Variants in LRRC4C observed in about 807,000 individuals in gnomAD.
LRRC4C encodes leucine-rich repeat-containing protein 4C.
LRRC4C carries 5 observed loss-of-function variants against 33.6 expected under a neutral mutation model. The observed-to-expected ratio is 0.15, with a 90% CI of 0.08 to 0.31. The LOEUF (loss-of-function observed/expected upper bound fraction) is 0.31, where lower values mean the gene tolerates loss of function less well. LRRC4C is among the 10% of genes least tolerant of loss of function. The probability of loss-of-function intolerance (pLI) is 1.00; values close to 1 mark genes in which losing one functional copy is unlikely to be tolerated. For synonymous variants in LRRC4C, 329 were observed against 302.0 expected, an observed-to-expected ratio of 1.09 and a Z score of -0.93; for missense variants, 560 against 796.7, an observed-to-expected ratio of 0.70 and a Z score of 3.58.
At chr11:41,285,683 A>T (rs1949804013) in intron 1 of LRRC4C, among the ~76,000 whole-genome samples, 1 of 152,260 alleles carries the variant, frequency 6.6e-6, no homozygotes, top group East Asian at 1.9e-4. Context: ...AGATTTTTCC[A>T]TGCTATTAAT....
intron 3 of LRRC4C, among the ~76,000 whole-genome samples, chr11:40,331,236 T>C (rs1189237284): frequency 2.0e-5 from 3 of 152,142 alleles, no homozygotes; most frequent in Non-Finnish European, 2.9e-5. Flanking sequence ...CTCCAAAAGC[T>C]AAAAATAGAA....
chr11:40,126,920 A>T (rs1177625978), intron 6 of LRRC4C, among the ~76,000 whole-genome samples: 1 of 151,292 alleles, frequency 6.6e-6, no homozygotes, highest in Non-Finnish European at 1.5e-5. Flanking sequence ...AGATGGCACC[A>T]TTGCACTCCA....
intron 4 of LRRC4C, among the ~76,000 whole-genome samples, chr11:40,246,207 C>G (rs1316609860): frequency 6.6e-6 from 1 of 152,068 alleles, no homozygotes; most frequent in Non-Finnish European, 1.5e-5. Context: ...CTCCTGAAAT[C>G]AGGTGATACA....
chr11:40,927,217 T>C (rs891543596), intron 2 of LRRC4C, among the ~76,000 whole-genome samples: 5 of 151,696 alleles, frequency 3.3e-5, no homozygotes, highest in Non-Finnish European at 7.4e-5. Flanking sequence ...CTACTAAACA[T>C]ACAAAAATTA....
At chr11:40,761,475 CT>C (rs1160738890) in intron 2 of LRRC4C, among the ~76,000 whole-genome samples, 3 of 152,038 alleles carry the variant, frequency 2.0e-5, no homozygotes, top group Non-Finnish European at 2.9e-5. Flanking sequence ...CTCAGCTTTT[CT>C]GTTGTTAAAG....
At chr11:40,544,382 C>A (rs1025145858) in intron 3 of LRRC4C, among the ~76,000 whole-genome samples, 1 of 152,040 alleles carries the variant, frequency 6.6e-6, no homozygotes, top group African/African-American at 2.4e-5. Flanking sequence ...CATTCTGGCC[C>A]ACTGTTCTTT....
intron 1 of LRRC4C, among the ~76,000 whole-genome samples, chr11:41,169,184 AC>A (rs1944860919): frequency 6.6e-6 from 1 of 152,226 alleles, no homozygotes. Flanking sequence ...AGAGAATAAA[AC>A]ATTTTTCAAA....
chr11:41,103,667 A>T (rs1941332359), intron 1 of LRRC4C, among the ~76,000 whole-genome samples: 1 of 151,922 alleles, frequency 6.6e-6, no homozygotes, highest in Non-Finnish European at 1.5e-5. Flanking sequence ...AACAGCAAAA[A>T]ATGCCAGCAT....
intron 2 of LRRC4C, among the ~76,000 whole-genome samples, chr11:40,812,202 A>G (rs1296453566): frequency 1.3e-5 from 2 of 152,146 alleles, no homozygotes; most frequent in African/African-American, 4.8e-5. Flanking sequence ...ATTAATCCTA[A>G]TTTGTAGGAA....
intron 2 of LRRC4C, among the ~76,000 whole-genome samples, chr11:40,683,810 C>T (rs61145262): frequency 0.077 from 11,711 of 152,232 alleles, 482 homozygotes; most frequent in East Asian, 0.13. Context: ...CCCACCAGTA[C>T]AGAGGGCCAA....
chr11:40,433,853 A>C (rs1421344199), intron 3 of LRRC4C, among the ~76,000 whole-genome samples: 2 of 152,190 alleles, frequency 1.3e-5, no homozygotes, highest in East Asian at 3.9e-4. Flanking sequence ...AGAAGAAAGC[A>C]TTTAAAGTAG....
At chr11:40,760,392 T>C (rs1300842537) in intron 2 of LRRC4C, among the ~76,000 whole-genome samples, 1 of 145,922 alleles carries the variant, frequency 6.9e-6, no homozygotes, top group East Asian at 2.0e-4. Context: ...GTTGAAAATA[T>C]TTACTATTTG....
chr11:41,305,244 C>T (rs1399041638), intron 1 of LRRC4C, among the ~76,000 whole-genome samples: 2 of 53,206 alleles, frequency 3.8e-5, no homozygotes, highest in African/African-American at 9.6e-5. Context: ...GTCAGCCCCC[C>T]GCCCGGCCAG....
intron 1 of LRRC4C, among the ~76,000 whole-genome samples, chr11:41,251,149 A>G (rs1052431340): frequency 6.6e-6 from 1 of 152,178 alleles, no homozygotes; most frequent in African/African-American, 2.4e-5. Context: ...CATTTTGCTT[A>G]CTCTTTGAAC....
chr11:40,267,846 A>G (rs1942395482), intron 4 of LRRC4C, among the ~76,000 whole-genome samples: 1 of 152,218 alleles, frequency 6.6e-6, no homozygotes, highest in Non-Finnish European at 1.5e-5. Flanking sequence ...AAATAATGTT[A>G]GGCTTGTATC....
chr11:40,540,003 A>G (rs1956638234), intron 3 of LRRC4C, among the ~76,000 whole-genome samples: 3 of 152,212 alleles, frequency 2.0e-5, no homozygotes, highest in Non-Finnish European at 4.4e-5. Flanking sequence ...GGAATAAATC[A>G]GATATCCCAA....
intron 4 of LRRC4C, among the ~76,000 whole-genome samples, chr11:40,253,450 T>C (rs529534910): frequency 6.6e-6 from 1 of 152,300 alleles, no homozygotes; most frequent in Non-Finnish European, 1.5e-5. Flanking sequence ...TACTTTTTAG[T>C]TGAGAGACCT....
At chr11:41,074,351 C>G (rs1314957140) in intron 1 of LRRC4C, among the ~76,000 whole-genome samples, 3 of 152,142 alleles carry the variant, frequency 2.0e-5, no homozygotes, top group Admixed American at 1.3e-4. Flanking sequence ...ATATTCCTTA[C>G]TCTATAATGA....
rs1031320115 is a variant in LRRC4C, at chr11:41,202,165, C to A, written c.-496+257266G>T. ...ATTTTCTCTCTGATAAACTAGACAG[C>A]ACTAGTAGGCTGATGGAAAGCCCCC... is the stretch of plus-strand genomic sequence containing the variant. On this transcript the variant is annotated intron_variant, in intron 1 of 6. Coordinates refer to ENST00000528697, the MANE Select transcript of LRRC4C (RefSeq NM_001258419.2). Among the ~76,000 whole-genome samples, 15 of 152,138 alleles carry A rather than the reference C, an allele frequency of 9.9e-5. 1 individual carries two copies. The highest frequency in any genetic ancestry group is 2.1e-4 in the Non-Finnish European group (14 of 68,032).
Sources: gnomAD v4.1 joint callset for allele counts (sites outside exome capture counted in the v4.1 genomes callset) on GRCh38, gnomAD v4.1.1 for gene constraint, MANE v1.5 for transcripts, NCBI Gene and HGNC (gene_info 2026-07-23, HGNC 2026-07-21) for gene names.